The following ZFAT variants were observed in gnomAD, a reference collection of about 807,000 sequenced individuals.
ZFAT encodes zinc finger and AT-hook domain containing, also known as zinc finger protein ZFAT.
Under a neutral mutation model 117.7 loss-of-function variants are expected in ZFAT, and 64 were observed. The ratio of observed to expected loss-of-function variants is 0.54; its 90% CI spans 0.44 to 0.67. The LOEUF is 0.67. Ranked by LOEUF, ZFAT falls within the 30% of genes least tolerant of loss-of-function variation. The pLI is 0.00. For synonymous variants in ZFAT, 679 were observed against 615.0 expected, an observed-to-expected ratio of 1.10 and a Z score of -1.54; for missense variants, 1,433 against 1,584.5, an observed-to-expected ratio of 0.90 and a Z score of 1.62.
chr8:134,710,452 G>A lies in ZFAT; in HGVS notation c.19+2393C>T, dbSNP rs78558584. On this transcript the variant is annotated intron_variant, in intron 1 of 15. Coordinates refer to ENST00000377838, the MANE Select transcript of ZFAT (RefSeq NM_020863.4). ...ACCGCTTAGGTGGACTTCCCTTTTGGGTCTTTAAAAGTTTCCATTTGCCCC... is the reference window on the plus strand; with the variant it reads ...ACCGCTTAGGTGGACTTCCCTTTTGAGTCTTTAAAAGTTTCCATTTGCCCC... Among the ~76,000 whole-genome samples, 968 of 152,188 alleles carry A rather than the reference G, an allele frequency of 6.4e-3. 14 individuals carry two copies. The highest frequency in any genetic ancestry group is 0.022 in the African/African-American group (920 of 41,504).
intron 15 of ZFAT, among the ~76,000 whole-genome samples, chr8:134,487,113 A>G (rs1403512637): frequency 6.6e-6 from 1 of 152,118 alleles, no homozygotes; most frequent in Non-Finnish European, 1.5e-5. Flanking sequence ...ACATACATGG[A>G]TGTGATATGT....
the ZFAT span, among the ~76,000 whole-genome samples, chr8:134,763,867 A>C: frequency 6.6e-6 from 1 of 152,210 alleles, no homozygotes; most frequent in South Asian, 2.1e-4. Context: ...GAATCTAAAA[A>C]GTCTGTCTGA....
chr8:134,654,768 C>T (rs551534463), intron 2 of ZFAT, among the ~76,000 whole-genome samples: 63 of 152,226 alleles, frequency 4.1e-4, no homozygotes, highest in Non-Finnish European at 5.9e-4. Flanking sequence ...TGGACACACA[C>T]GGAAGGGGCT....
intron 11 of ZFAT, among the ~76,000 whole-genome samples, chr8:134,546,943 T>C (rs1452364032): frequency 6.6e-6 from 1 of 152,190 alleles, no homozygotes. Context: ...AACGTGCATT[T>C]GGAGTTTGAG....
intron 11 of ZFAT, among the ~76,000 whole-genome samples, chr8:134,559,307 T>C (rs997974608): frequency 2.0e-5 from 3 of 152,204 alleles, no homozygotes; most frequent in East Asian, 3.8e-4. Context: ...TAAATACAAA[T>C]ATGGTTTTGC....
chr8:134,630,829 GTTTAT>G (rs1174356324), intron 3 of ZFAT, among the ~76,000 whole-genome samples: 5 of 152,170 alleles, frequency 3.3e-5, no homozygotes, highest in Non-Finnish European at 5.9e-5. Context: ...GTAAGAAAAA[GTTTAT>G]TTTGTTTTCT....
the ZFAT span, among the ~76,000 whole-genome samples, chr8:134,772,934 C>CA: frequency 6.7e-3 from 1,008 of 151,022 alleles, 12 homozygotes; most frequent in African/African-American, 0.022. Flanking sequence ...ACAACAACAA[C>CA]AAAAAAAACT....
At chr8:134,652,225 C>A (rs1335290285) in intron 2 of ZFAT, among the ~76,000 whole-genome samples, 1 of 152,150 alleles carries the variant, frequency 6.6e-6, no homozygotes, top group Non-Finnish European at 1.5e-5. Context: ...CCAGATCGTG[C>A]CACTGCACTC....
At chr8:134,767,089 C>G in the ZFAT span, 1 of 152,208 alleles carries the variant, frequency 6.6e-6, no homozygotes, top group Non-Finnish European at 1.5e-5. Context: ...GGTTTCATTT[C>G]ATTCATGGCA....
At chr8:134,823,519 T>C in the ZFAT span, among the ~76,000 whole-genome samples, 1 of 152,248 alleles carries the variant, frequency 6.6e-6, no homozygotes, top group South Asian at 2.1e-4. Flanking sequence ...ATTTTACTGA[T>C]GAGAAAAAGG....
intron 15 of ZFAT, among the ~76,000 whole-genome samples, chr8:134,489,553 C>T (rs942297686): frequency 1.3e-5 from 2 of 152,164 alleles, no homozygotes; most frequent in East Asian, 3.9e-4. Flanking sequence ...GTCCTCCGTC[C>T]TCTCTGGCTG....
chr8:134,614,897 A>C (rs1030595695), intron 3 of ZFAT, among the ~76,000 whole-genome samples: 3 of 152,252 alleles, frequency 2.0e-5, no homozygotes, highest in African/African-American at 7.2e-5. Context: ...CTAAATTCTA[A>C]GGCCCTCACA....
At chr8:134,496,220 C>T (rs1818425414) in intron 15 of ZFAT, among the ~76,000 whole-genome samples, 1 of 152,232 alleles carries the variant, frequency 6.6e-6, no homozygotes, top group Non-Finnish European at 1.5e-5. Flanking sequence ...GTTCCATGAT[C>T]TTCCCATTAT....
At chr8:134,830,866 TTAAC>T in the ZFAT span, among the ~76,000 whole-genome samples, 5 of 152,210 alleles carry the variant, frequency 3.3e-5, no homozygotes, top group Admixed American at 6.5e-5. Context: ...AGTGGAGAGT[TTAAC>T]TATGGATAAT....
intron 1 of ZFAT, among the ~76,000 whole-genome samples, chr8:134,704,840 A>G (rs543353355): frequency 7.9e-5 from 12 of 152,272 alleles, no homozygotes; most frequent in East Asian, 5.8e-4. Context: ...CATACCATAC[A>G]CAAACTTATT....
At chr8:134,781,845 ATT>A in the ZFAT span, among the ~76,000 whole-genome samples, 1 of 152,078 alleles carries the variant, frequency 6.6e-6, no homozygotes, top group African/African-American at 2.4e-5. Flanking sequence ...GTGTAAATAT[ATT>A]TTCTCTACCT....
At chr8:134,565,053 C>A (rs1012656362) in intron 11 of ZFAT, 34 of 1,404,424 alleles carry the variant, frequency 2.4e-5, no homozygotes, top group Non-Finnish European at 3.0e-5. Flanking sequence ...TCCTCTAAAT[C>A]ACTCCAGTGC....
At chr8:134,715,540 T>C (rs1263672524), upstream of ZFAT, among the ~76,000 whole-genome samples, 1 of 152,266 alleles carries the variant, frequency 6.6e-6, no homozygotes, top group Non-Finnish European at 1.5e-5. Context: ...TTTGCACATT[T>C]TCAATCAGCA....
At chr8:134,807,699 T>A in the ZFAT span, among the ~76,000 whole-genome samples, 1 of 147,740 alleles carries the variant, frequency 6.8e-6, no homozygotes, top group African/African-American at 2.5e-5. Flanking sequence ...GAGCAGAAAA[T>A]GCCCCCAATT....
Sources: allele counts gnomAD v4.1 joint callset (sites outside exome capture counted in the v4.1 genomes callset), GRCh38; gene constraint gnomAD v4.1.1; transcripts MANE v1.5; gene names NCBI Gene and HGNC (gene_info 2026-07-23, HGNC 2026-07-21).